Variants in CSNK2A2IP observed in about 807,000 individuals in gnomAD.
CSNK2A2IP encodes casein kinase 2 subunit alpha' interacting protein.
the CSNK2A2IP span, among the ~76,000 whole-genome samples, chr3:88,441,248 G>A: frequency 6.6e-6 from 1 of 152,104 alleles, no homozygotes; most frequent in East Asian, 1.9e-4. Flanking sequence ...ATTAAAGTTT[G>A]TTGTTATTCA....
the CSNK2A2IP span, among the ~76,000 whole-genome samples, chr3:88,453,511 A>G: frequency 6.6e-6 from 1 of 152,122 alleles, no homozygotes; most frequent in African/African-American, 2.4e-5. Flanking sequence ...GATATTTAAG[A>G]CATCTATACA....
At chr3:88,408,925 A>G in the CSNK2A2IP span, among the ~76,000 whole-genome samples, 4 of 152,104 alleles carry the variant, frequency 2.6e-5, no homozygotes, top group Admixed American at 2.0e-4. Context: ...AATTTAATCA[A>G]AATAAGTCAG....
At chr3:88,356,228 AC>A in the CSNK2A2IP span, among the ~76,000 whole-genome samples, 2 of 152,032 alleles carry the variant, frequency 1.3e-5, no homozygotes, top group South Asian at 4.1e-4. Context: ...ATTAATTAAT[AC>A]TTTTTTAACC....
chr3:88,463,132 C>T, the CSNK2A2IP span, among the ~76,000 whole-genome samples: 65 of 152,052 alleles, frequency 4.3e-4, no homozygotes, highest in African/African-American at 1.5e-3. Flanking sequence ...TAAATTTGTC[C>T]ATCAGAATTT....
chr3:88,427,361 A>G, the CSNK2A2IP span, among the ~76,000 whole-genome samples: 1 of 152,208 alleles, frequency 6.6e-6, no homozygotes, highest in Non-Finnish European at 1.5e-5. Flanking sequence ...GCAGCCTGAC[A>G]ATGCAATAGG....
chr3:88,446,074 CT>C, the CSNK2A2IP span, among the ~76,000 whole-genome samples: 1 of 107,202 alleles, frequency 9.3e-6, no homozygotes, highest in Non-Finnish European at 2.0e-5. Flanking sequence ...TTCTTTCTTT[CT>C]TTCTTTCTTT....
the CSNK2A2IP span, among the ~76,000 whole-genome samples, chr3:88,348,172 T>A: frequency 7.1e-6 from 1 of 140,914 alleles, no homozygotes; most frequent in African/African-American, 2.6e-5. Context: ...GACCATGTAG[T>A]TTCTGTAGAC....
the CSNK2A2IP span, among the ~76,000 whole-genome samples, chr3:88,437,894 A>C: frequency 1.3e-5 from 2 of 152,174 alleles, no homozygotes; most frequent in Non-Finnish European, 2.9e-5. Context: ...AAATGTGTTA[A>C]TTTTTATTTA....
chr3:88,355,003 T>C, the CSNK2A2IP span, among the ~76,000 whole-genome samples: 2 of 152,226 alleles, frequency 1.3e-5, no homozygotes, highest in South Asian at 4.1e-4. Context: ...ACCAAGAACC[T>C]TGGCTATCAT....
the CSNK2A2IP span, among the ~76,000 whole-genome samples, chr3:88,350,962 G>T: frequency 6.6e-6 from 1 of 152,116 alleles, no homozygotes; most frequent in East Asian, 1.9e-4. Flanking sequence ...TTGATTTTCT[G>T]TCAGGCAGAA....
At chr3:88,465,065 T>C in the CSNK2A2IP span, 2 of 248,490 alleles carry the variant, frequency 8.0e-6, no homozygotes, top group Non-Finnish European at 1.5e-5. Flanking sequence ...TCTTCTGACC[T>C]CTCCTTACTA....
chr3:88,457,356 C>T, the CSNK2A2IP span, among the ~76,000 whole-genome samples: 1 of 150,982 alleles, frequency 6.6e-6, no homozygotes, highest in South Asian at 2.1e-4. Flanking sequence ...TTTGGCTTAC[C>T]TTTTTTTTTA....
chr3:88,422,269 G>T, the CSNK2A2IP span, among the ~76,000 whole-genome samples: 30 of 152,080 alleles, frequency 2.0e-4, no homozygotes, highest in Non-Finnish European at 4.1e-4. Context: ...TTTGATTTGG[G>T]TTTAAATATT....
the CSNK2A2IP span, among the ~76,000 whole-genome samples, chr3:88,394,881 G>T: frequency 6.6e-6 from 1 of 152,188 alleles, no homozygotes; most frequent in Non-Finnish European, 1.5e-5. Context: ...GTCTACTTGA[G>T]AGAGGAGAGG....
chr3:88,349,602 T>A, the CSNK2A2IP span, among the ~76,000 whole-genome samples: 42 of 152,144 alleles, frequency 2.8e-4, no homozygotes, highest in African/African-American at 9.2e-4. Flanking sequence ...AACATGTGTG[T>A]GCATGTATCA....
chr3:88,466,570 G>A, the CSNK2A2IP span: 1 of 1,231,566 alleles, frequency 8.1e-7, no homozygotes, highest in Non-Finnish European at 1.0e-6. Context: ...TCCAAAGACA[G>A]AATCAAATAA....
At chr3:88,467,054 A>T in the CSNK2A2IP span, 7 of 983,384 alleles carry the variant, frequency 7.1e-6, no homozygotes, top group Non-Finnish European at 9.2e-6. Flanking sequence ...TCTGAACGGG[A>T]TATCCAGGGA....
At chr3:88,348,945 T>C in the CSNK2A2IP span, among the ~76,000 whole-genome samples, 2 of 151,966 alleles carry the variant, frequency 1.3e-5, no homozygotes, top group Non-Finnish European at 2.9e-5. Flanking sequence ...TCACCATTAT[T>C]ATTTTTATTC....
At chr3:88,437,273 T>A in the CSNK2A2IP span, among the ~76,000 whole-genome samples, 1 of 152,166 alleles carries the variant, frequency 6.6e-6, no homozygotes, top group African/African-American at 2.4e-5. Flanking sequence ...TCTTCCACAG[T>A]CTCAACCTAC....
Sources: allele counts gnomAD v4.1 joint callset (sites outside exome capture counted in the v4.1 genomes callset), GRCh38; gene constraint gnomAD v4.1.1; transcripts MANE v1.5; gene names NCBI Gene and HGNC (gene_info 2026-07-23, HGNC 2026-07-21).